The following MYO5B variants were observed in gnomAD, a reference collection of about 807,000 sequenced individuals.
MYO5B encodes the protein unconventional myosin-Vb.
Under a neutral mutation model 229.3 loss-of-function variants are expected in MYO5B, and 143 were observed. The ratio of observed to expected loss-of-function variants is 0.62; its 90% CI spans 0.54 to 0.72. The LOEUF is 0.72. Ranked by LOEUF, MYO5B falls within the 30% of genes least tolerant of loss-of-function variation. MYO5B has a pLI of 0.00. For missense variants in MYO5B, 2,321 were observed against 2,331.0 expected (o/e 1.00, Z 0.09); for synonymous variants, 918 against 885.2 (o/e 1.04, Z -0.66).
At chr18:50,110,264 AT>A (rs1176707127) in intron 1 of MYO5B, among the ~76,000 whole-genome samples, 1 of 151,624 alleles carries the variant, frequency 6.6e-6, no homozygotes, top group East Asian at 1.9e-4. Flanking sequence ...TCTCTGCTTT[AT>A]TTTCTTCTCC....
intron 17 of MYO5B, among the ~76,000 whole-genome samples, chr18:49,915,322 T>C: frequency 6.6e-6 from 1 of 152,208 alleles, no homozygotes; most frequent in East Asian, 1.9e-4. Context: ...TGGCAACTAC[T>C]AACCTACTTT....
intron 4 of MYO5B, among the ~76,000 whole-genome samples, chr18:50,018,519 T>G (rs1989506): frequency 0.027 from 4,116 of 152,302 alleles, 73 homozygotes; most frequent in Non-Finnish European, 0.042. Context: ...GCAAGCTTTA[T>G]GAAAATAATA....
Position 49,922,511 on chromosome 18 carries a change from G to A in MYO5B, c.2090+7001C>T, listed in dbSNP as rs535533507. On this transcript the variant is annotated intron_variant, in intron 17 of 39. Transcript: ENST00000285039. ...CTGGATTAAATGGTGAGGATGATTC[G>A]ACTGCAGCTCAATACAGTACTAACA... 2.6e-5 allele frequency among the ~76,000 whole-genome samples: 4 copies of A among 152,226 alleles called. No homozygotes were observed. In the East Asian group the frequency reaches 7.7e-4, roughly 29 times the overall value.
At chr18:49,917,724 G>A (rs1359286406) in intron 17 of MYO5B, among the ~76,000 whole-genome samples, 1 of 152,170 alleles carries the variant, frequency 6.6e-6, no homozygotes, top group Non-Finnish European at 1.5e-5. Flanking sequence ...GTGACTCCAG[G>A]AATGTAATTC....
At chr18:50,136,719 T>C (rs925262640) in intron 1 of MYO5B, among the ~76,000 whole-genome samples, 5 of 152,236 alleles carry the variant, frequency 3.3e-5, no homozygotes, top group Non-Finnish European at 5.9e-5. Context: ...TTAGTGGCTC[T>C]TTAGTAAAGC....
chr18:49,970,729 T>C (rs937130439), intron 10 of MYO5B: 2 of 152,194 alleles, frequency 1.3e-5, no homozygotes, highest in African/African-American at 2.4e-5. Flanking sequence ...AGATAGGCAC[T>C]GCAGCTCATC....
In MYO5B at chr18:49,841,351, G is replaced by C. The variant is rs749728126; in HGVS notation, c.4701+14C>G. On this transcript the variant is annotated intron_variant, in intron 35 of 39. Coordinates refer to ENST00000285039, the MANE Select transcript of MYO5B (RefSeq NM_001080467.3). ...AAGCAGGAATGCCTCCTGGGTGCCT[G>C]GCTCCCCACTCACCTCATCCCCGCT... 4 of 1,613,288 alleles carry C rather than the reference G, an allele frequency of 2.5e-6. No homozygotes were observed. Among genetic ancestry groups the C allele is most frequent in the Non-Finnish European group, 3.4e-6 (4 of 1,179,358 alleles).
At chr18:50,039,597 C>T (rs1266242695) in intron 3 of MYO5B, among the ~76,000 whole-genome samples, 6 of 152,130 alleles carry the variant, frequency 3.9e-5, no homozygotes, top group African/African-American at 1.4e-4. Flanking sequence ...TCCCAAAGTG[C>T]TGGGATTACA....
intron 4 of MYO5B, among the ~76,000 whole-genome samples, chr18:50,012,691 G>C (rs1015540786): frequency 6.6e-6 from 1 of 152,238 alleles, no homozygotes; most frequent in Non-Finnish European, 1.5e-5. Context: ...CCCCTTCCAG[G>C]GAACTATTGC....
chr18:49,881,632 C>T (rs1003516251), intron 22 of MYO5B, among the ~76,000 whole-genome samples: 1 of 151,936 alleles, frequency 6.6e-6, no homozygotes, highest in African/African-American at 2.4e-5. Context: ...GAAATCCCAT[C>T]TCTACTAAAA....
chr18:50,022,303 T>C (rs1024605112), intron 4 of MYO5B, among the ~76,000 whole-genome samples: 4 of 152,220 alleles, frequency 2.6e-5, no homozygotes, highest in African/African-American at 7.2e-5. Context: ...ATCTATAAAA[T>C]TGAGATACTG....
Position 49,953,318 on chromosome 18 carries a change from A to T in MYO5B, c.1694T>A (p.Leu565Gln). The T allele has an allele frequency of 6.2e-7, 1 of 1,614,174 alleles. No homozygotes were observed. Among genetic ancestry groups the T allele is most frequent in the East Asian group, 2.2e-5 (1 of 44,876 alleles). Residue 565 changes from leucine to glutamine, a missense_variant, in exon 14 of 40, where the codon CTG becomes CAG. Physicochemically the swap from Leu to Gln is moderately radical, Grantham distance 113 (BLOSUM62 -2). Around this residue, in one of 2 missense-constraint regions of MYO5B, gnomAD observed 2,113 missense variants for 2,044.7 expected, o/e 1.03. Coordinates refer to ENST00000285039, the MANE Select transcript of MYO5B (RefSeq NM_001080467.3). ...DKVEYLSDGF[L>Q]EKNRDTVYEE... is the part of the protein sequence containing the mutation. The stretch of plus-strand genomic sequence containing the variant: ...ATACACCGTGTCTCTGTTTTTCTCC[A>T]GAAAACCATCAGAGAGGTACTCCAC...
At chr18:49,955,597 A>G (rs192426917) in intron 12 of MYO5B, among the ~76,000 whole-genome samples, 3 of 152,362 alleles carry the variant, frequency 2.0e-5, no homozygotes, top group Non-Finnish European at 4.4e-5. Context: ...TTGGGAACCA[A>G]TTTCTTAAAT....
At chr18:50,141,784 A>C (rs1231531502) in intron 1 of MYO5B, among the ~76,000 whole-genome samples, 1 of 152,218 alleles carries the variant, frequency 6.6e-6, no homozygotes, top group Non-Finnish European at 1.5e-5. Flanking sequence ...AAAGTCAGTT[A>C]TCCTGACCCT....
chr18:49,910,315 C>A (rs2024943978), intron 18 of MYO5B, among the ~76,000 whole-genome samples: 1 of 152,176 alleles, frequency 6.6e-6, no homozygotes, highest in South Asian at 2.1e-4. Flanking sequence ...GGTGGTAATC[C>A]TGGAGAAATC....
At chr18:50,178,506 C>A (rs2033028270) in intron 1 of MYO5B, among the ~76,000 whole-genome samples, 1 of 152,154 alleles carries the variant, frequency 6.6e-6, no homozygotes, top group African/African-American at 2.4e-5. Flanking sequence ...ACAACTGACC[C>A]CCTAGCAAAA....
intron 4 of MYO5B, among the ~76,000 whole-genome samples, chr18:50,025,747 C>T (rs998624155): frequency 6.6e-6 from 1 of 152,200 alleles, no homozygotes; most frequent in Non-Finnish European, 1.5e-5. Context: ...CTTCACCCCA[C>T]TGTAAAGGTA....
chr18:50,043,584 ATATATT>A (rs1330312717), intron 2 of MYO5B, among the ~76,000 whole-genome samples: 2 of 132,454 alleles, frequency 1.5e-5, no homozygotes, highest in East Asian at 4.1e-4. Context: ...TTATATAAAA[ATATATT>A]TATAAGTATA....
At position 49,937,140 on chromosome 18, in the gene MYO5B, A is replaced by C. The variant is rs531001525; in HGVS notation, c.1905+105T>G. 5.0e-6 allele frequency: 7 copies of C among 1,402,962 alleles called. No individual in the cohort carries two copies. The South Asian group carries it at 7.0e-5, about 14-fold the overall frequency. 86.9% of individuals were successfully genotyped at this position (1,402,962 alleles called of 1,614,324 possible). ...TGGATGGCTGAGGCTACTGATGTCA[A>C]GGCTGCTGTGATGGCTTCCCTCTCA... On this transcript the variant is annotated intron_variant, in intron 15 of 39. Transcript: ENST00000285039.
Sources: allele counts gnomAD v4.1 joint callset (sites outside exome capture counted in the v4.1 genomes callset), GRCh38; gene constraint gnomAD v4.1.1; regional missense constraint gnomAD v4.1.1; transcripts MANE v1.5; gene names NCBI Gene and HGNC (gene_info 2026-07-23, HGNC 2026-07-21).